Variants in FAAH2 observed in about 807,000 individuals in gnomAD.
The protein encoded by FAAH2 is fatty acid amide hydrolase 2.
A neutral mutation model predicts 36.9 loss-of-function variants in FAAH2; 60 were observed. That is an observed-to-expected ratio of 1.63 (90% CI 1.32 to 2.02). FAAH2 has a LOEUF of 2.02. Ranked by LOEUF, FAAH2 falls within the 30% of genes most tolerant of loss-of-function variation. The pLI is 0.00. For synonymous variants in FAAH2, 214 were observed against 143.8 expected, an observed-to-expected ratio of 1.49 and a Z score of -3.49; for missense variants, 689 against 397.5, an observed-to-expected ratio of 1.73 and a Z score of -6.23.
the FAAH2 span, among the ~76,000 whole-genome samples, chrX:57,250,019 T>C: frequency 1.8e-5 from 2 of 112,077 alleles, no homozygotes; most frequent in Admixed American, 1.9e-4. Context: ...CATTGTAATT[T>C]ACCATGAAGA....
At chrX:57,484,228 C>A (rs1203320142) in intron 10 of FAAH2, among the ~76,000 whole-genome samples, 4 of 111,229 alleles carry the variant, frequency 3.6e-5, no homozygotes, top group African/African-American at 1.3e-4. Flanking sequence ...AGGTAATGAG[C>A]TAGATCGTGG....
the FAAH2 span, among the ~76,000 whole-genome samples, chrX:57,220,464 C>A: frequency 5.4e-5 from 6 of 111,333 alleles, no homozygotes; most frequent in Non-Finnish European, 1.1e-4. Context: ...GTATTTTAAA[C>A]CTTCAGTTCA....
At chrX:57,412,786 G>A (rs935758941) in intron 7 of FAAH2, among the ~76,000 whole-genome samples, 5 of 111,468 alleles carry the variant, frequency 4.5e-5, no homozygotes, top group East Asian at 5.6e-4. Flanking sequence ...CTAGATCCTC[G>A]AGGAATCACC....
At chrX:57,269,042 T>C in the FAAH2 span, among the ~76,000 whole-genome samples, 11 of 111,738 alleles carry the variant, frequency 9.8e-5, no homozygotes, top group African/African-American at 3.6e-4. Context: ...GAGGAAAATC[T>C]ATCAAGAAAA....
intron 7 of FAAH2, among the ~76,000 whole-genome samples, chrX:57,424,267 A>T (rs1184851073): frequency 3.6e-5 from 4 of 112,009 alleles, no homozygotes. Flanking sequence ...GCACAGCATT[A>T]CCCCATCTCT....
intron 7 of FAAH2, among the ~76,000 whole-genome samples, chrX:57,421,999 G>C (rs987863933): frequency 2.7e-5 from 3 of 111,670 alleles, no homozygotes; most frequent in African/African-American, 6.5e-5. Flanking sequence ...GAAGAGTCCT[G>C]CTCCTGAGGT....
chrX:57,330,392 C>T (rs1335607785), intron 3 of FAAH2, among the ~76,000 whole-genome samples: 1 of 111,484 alleles, frequency 9.0e-6, no homozygotes, highest in Non-Finnish European at 1.9e-5. Context: ...AAGGAAATTC[C>T]TGTCTAATAA....
intron 7 of FAAH2, chrX:57,393,388 C>T: frequency 1.3e-6 from 1 of 741,184 alleles, no homozygotes. Flanking sequence ...GACCGGAATA[C>T]TGGGATTTGA....
At chrX:57,335,700 G>A (rs777851857) in intron 4 of FAAH2, among the ~76,000 whole-genome samples, 2 of 110,964 alleles carry the variant, frequency 1.8e-5, no homozygotes, top group South Asian at 3.8e-4. Flanking sequence ...AGCACAGACC[G>A]TTTACGGGTG....
the FAAH2 span, among the ~76,000 whole-genome samples, chrX:57,162,860 T>A: frequency 8.8e-6 from 1 of 113,065 alleles, no homozygotes; most frequent in Non-Finnish European, 1.9e-5. Context: ...TTCTCTCAGC[T>A]TGTCAAAGTC....
chrX:57,196,083 G>T, the FAAH2 span, among the ~76,000 whole-genome samples: 1 of 111,715 alleles, frequency 9.0e-6, no homozygotes, highest in Non-Finnish European at 1.9e-5. Flanking sequence ...GGCTATGTGG[G>T]CTCCTTTTTG....
intron 10 of FAAH2, among the ~76,000 whole-genome samples, chrX:57,461,001 C>A (rs776615140): frequency 9.0e-6 from 1 of 111,019 alleles, no homozygotes; most frequent in Non-Finnish European, 1.9e-5. Flanking sequence ...GGGTTTCAAT[C>A]CTAGTCTCTG....
intron 1 of FAAH2, among the ~76,000 whole-genome samples, chrX:57,290,918 T>G (rs2051958424): frequency 8.9e-6 from 1 of 111,992 alleles, no homozygotes; most frequent in Non-Finnish European, 1.9e-5. Context: ...AGAATGTTTT[T>G]GAAATAATTA....
intron 10 of FAAH2, among the ~76,000 whole-genome samples, chrX:57,456,928 C>T (rs1307409757): frequency 2.7e-5 from 3 of 111,623 alleles, no homozygotes; most frequent in Middle Eastern, 4.6e-3. Context: ...AGTCTTCTCC[C>T]TAATGCATTC....
At chrX:57,154,033 T>A in the FAAH2 span, among the ~76,000 whole-genome samples, 1 of 112,025 alleles carries the variant, frequency 8.9e-6, no homozygotes, top group East Asian at 2.8e-4. Flanking sequence ...ATCCCAAACT[T>A]CTTGGAAGCT....
the FAAH2 span, among the ~76,000 whole-genome samples, chrX:57,234,587 G>C: frequency 1.8e-5 from 2 of 111,627 alleles, no homozygotes; most frequent in Non-Finnish European, 3.8e-5. Context: ...TGGGGTAATG[G>C]GAGACAGTGA....
chrX:57,469,716 C>T (rs2057123380), intron 10 of FAAH2, among the ~76,000 whole-genome samples: 1 of 111,375 alleles, frequency 9.0e-6, no homozygotes. Context: ...CAAGGATATC[C>T]AGTAATTGAA....
chrX:57,209,677 A>G, the FAAH2 span, among the ~76,000 whole-genome samples: 6 of 111,732 alleles, frequency 5.4e-5, no homozygotes, highest in Non-Finnish European at 1.1e-4. Flanking sequence ...TTTTTTAGCT[A>G]CCATGGCTGT....
intron 3 of FAAH2, among the ~76,000 whole-genome samples, chrX:57,330,169 G>T (rs1196667218): frequency 8.9e-6 from 1 of 112,072 alleles, no homozygotes; most frequent in Admixed American, 9.4e-5. Context: ...GGTGAGCCGG[G>T]TGGAACAGAG....
Sources: gnomAD v4.1 joint callset for allele counts (sites outside exome capture counted in the v4.1 genomes callset) on GRCh38, gnomAD v4.1.1 for gene constraint, MANE v1.5 for transcripts, NCBI Gene and HGNC (gene_info 2026-07-23, HGNC 2026-07-21) for gene names.